Variants in POU2F2 observed in about 807,000 individuals in gnomAD.
POU2F2 encodes POU class 2 homeobox 2.
Under a neutral mutation model 63.5 loss-of-function variants are expected in POU2F2, and 14 were observed. The observed-to-expected ratio is 0.22, with a 90% CI of 0.15 to 0.34. The LOEUF (loss-of-function observed/expected upper bound fraction) is 0.34, where lower values mean the gene tolerates loss of function less well. POU2F2 is among the 10% of genes least tolerant of loss of function. The pLI is 1.00. For synonymous variants in POU2F2, 306 were observed against 348.6 expected, an observed-to-expected ratio of 0.88 and a Z score of 1.36; for missense variants, 607 against 815.2, an observed-to-expected ratio of 0.74 and a Z score of 3.11.
upstream of POU2F2, among the ~76,000 whole-genome samples, chr19:42,179,575 G>T (rs975506129): frequency 3.3e-5 from 5 of 152,088 alleles, no homozygotes; most frequent in African/African-American, 1.2e-4. Flanking sequence ...GGCACGCGCT[G>T]CGCGGTCTTG....
intron 1 of POU2F2, among the ~76,000 whole-genome samples, chr19:42,173,752 GA>G (rs1259477740): frequency 1.3e-5 from 2 of 151,956 alleles, no homozygotes; most frequent in African/African-American, 4.8e-5. Context: ...GCGCAACCAA[GA>G]CCCCCAAAGA....
At chr19:42,119,696 G>A (rs1354188864) in intron 4 of POU2F2, among the ~76,000 whole-genome samples, 2 of 152,102 alleles carry the variant, frequency 1.3e-5, no homozygotes, top group East Asian at 1.9e-4. Context: ...CCCAGGAGGT[G>A]GAGGTTGCAA....
chr19:42,189,448 C>T (rs1227298532), intron 1 of POU2F2, among the ~76,000 whole-genome samples: 2 of 152,198 alleles, frequency 1.3e-5, no homozygotes, highest in African/African-American at 2.4e-5. Flanking sequence ...AGCTGCCATT[C>T]CTTCCTGCTA....
At chr19:42,186,796 G>A (rs2035017344) in intron 1 of POU2F2, among the ~76,000 whole-genome samples, 1 of 152,116 alleles carries the variant, frequency 6.6e-6, no homozygotes, top group Non-Finnish European at 1.5e-5. Context: ...GTCAGGGAGA[G>A]GGTGGTGCCA....
rs916198417 is a variant in POU2F2 at position 42,086,969 on chromosome 19, T to C, written c.*4288A>G. The C allele has an allele frequency of 5.3e-5, 8 of 152,218 alleles. No homozygotes were observed. The highest frequency in any genetic ancestry group is 1.9e-4 in the African/African-American group (8 of 41,466). 9.4% of individuals were successfully genotyped at this position (152,218 alleles called of 1,614,324 possible). On this transcript the variant is annotated 3_prime_UTR_variant, in exon 15 of 15. Coordinates refer to ENST00000692977, the MANE Select transcript of POU2F2 (RefSeq NM_001394376.1). ...TTAAAAATATACATTATTTTTTCTT[T>C]GTTTCCGCCTTTGTCATCGTCGTCT...
upstream of POU2F2, among the ~76,000 whole-genome samples, chr19:42,196,956 G>C (rs922557331): frequency 6.6e-6 from 1 of 152,240 alleles, no homozygotes; most frequent in Non-Finnish European, 1.5e-5. Flanking sequence ...GACATGGAAC[G>C]GAAGCAGGGG....
At chr19:42,129,474 TCTC>T (rs2033504492) in intron 1 of POU2F2, among the ~76,000 whole-genome samples, 1 of 151,870 alleles carries the variant, frequency 6.6e-6, no homozygotes, top group Non-Finnish European at 1.5e-5. Context: ...GACTTTCACT[TCTC>T]CTCTGCATTT....
rs772034632 is a variant in POU2F2, at chr19:42,099,479, C to A, written c.567+48G>T. 3 of 1,507,510 alleles carry A rather than the reference C, an allele frequency of 2.0e-6. No homozygotes were observed. The Admixed American group carries it at 5.0e-5, about 25-fold the overall frequency. 93.4% of individuals were successfully genotyped at this position (1,507,510 alleles called of 1,614,324 possible). A position where few individuals can be genotyped will look rare whatever the true frequency, so the allele number is the denominator to read the frequency against. ...CCACCCCCGTTTACCCAGCTTTCAG[C>A]AGGCCTTGCTGCTGGCCTGGCCTGG... On this transcript the variant is annotated intron_variant, in intron 7 of 14. Transcript: ENST00000692977.
chr19:42,108,731 G>A (rs577999647), intron 5 of POU2F2, among the ~76,000 whole-genome samples: 3 of 152,332 alleles, frequency 2.0e-5, no homozygotes, highest in South Asian at 2.1e-4. Flanking sequence ...ACTTGAGGGC[G>A]TGTTACGTCC....
chr19:42,139,626 A>C (rs2034088274), intron 2 of POU2F2, among the ~76,000 whole-genome samples: 1 of 152,084 alleles, frequency 6.6e-6, no homozygotes. Flanking sequence ...TTTTAGTAGA[A>C]ATAGGGTTTC....
intron 5 of POU2F2, chr19:42,110,826 C>T (rs2030971426): frequency 2.3e-6 from 1 of 442,938 alleles, no homozygotes; most frequent in Non-Finnish European, 4.6e-6. Flanking sequence ...TTAATTGGTC[C>T]TTCATAAATG....
At chr19:42,115,371 C>T (rs1454051776) in intron 5 of POU2F2, among the ~76,000 whole-genome samples, 1 of 152,162 alleles carries the variant, frequency 6.6e-6, no homozygotes, top group African/African-American at 2.4e-5. Context: ...TGGACAGCTC[C>T]CTGCATGGAC....
At chr19:42,174,094 GC>G (rs914015992) in intron 1 of POU2F2, among the ~76,000 whole-genome samples, 25 of 152,248 alleles carry the variant, frequency 1.6e-4, no homozygotes, top group Non-Finnish European at 3.5e-4. Flanking sequence ...TGCTGTGCAA[GC>G]ATGCCGTCAA....
In POU2F2 at chr19:42,187,705, T is replaced by C. The variant is rs1463641794; in HGVS notation, c.-70+8678A>G. 5.7e-5 allele frequency among the ~76,000 whole-genome samples: 8 copies of C among 140,828 alleles called. 1 individual carries two copies. The allele number at this position is 140,828 out of a possible 152,430, so 92.4% of individuals were successfully genotyped here. On this transcript the variant is annotated intron_variant, in intron 1 of 5. Coordinates refer to the POU2F2 transcript ENST00000532176. ...TTGAACCCAGAGGTGGAGGTTGCAG[T>C]GAGCCGAGATCATGCCACTGCATTC... is the stretch of plus-strand genomic sequence containing the variant.
chr19:42,197,101 TA>T (rs1394285904), upstream of POU2F2, among the ~76,000 whole-genome samples: 2 of 152,084 alleles, frequency 1.3e-5, no homozygotes, highest in African/African-American at 4.8e-5. Context: ...CAAACACAGG[TA>T]ACCCCACCTA....
In POU2F2 at chr19:42,116,161, G is replaced by C. The variant is rs956630703; in HGVS notation, c.369+1089C>G. The stretch of plus-strand genomic sequence containing the variant: ...ATGGTATTATGTTACGGCAGCCCTA[G>C]GAAACTGAGACAGCCACTAATTCAT... On this transcript the variant is annotated intron_variant, in intron 5 of 14. Transcript: ENST00000692977. Among the ~76,000 whole-genome samples the C allele has an allele frequency of 1.2e-4, 18 of 152,304 alleles. No individual in the cohort carries two copies. The East Asian group carries it at 3.5e-3, about 29-fold the overall frequency.
Position 42,169,791 on chromosome 19 carries a change from G to A in POU2F2, c.-70+6172C>T, listed in dbSNP as rs764719571. Reference sequence around the variant, plus strand: ...GTGTGTCGGGGTGATATAAACACATGTGCGTGTGTACCTGTGTGTCTTTCT... The same window carrying A: ...GTGTGTCGGGGTGATATAAACACATATGCGTGTGTACCTGTGTGTCTTTCT... On this transcript the variant is annotated intron_variant, in intron 1 of 6. Coordinates refer to the POU2F2 transcript ENST00000524801. This position sits in a 1 kb window ranked among gnomAD's most constrained non-coding sequence, Gnocchi z 4.3. 1.6e-4 allele frequency among the ~76,000 whole-genome samples: 24 copies of A among 152,076 alleles called. No individual in the cohort carries two copies. Among genetic ancestry groups the A allele is most frequent in the Non-Finnish European group, 3.1e-4 (21 of 68,010 alleles).
rs1185699808 is a variant in POU2F2, at chr19:42,090,501, AG to A, written c.*755del. On this transcript the variant is annotated 3_prime_UTR_variant, in exon 15 of 15. Coordinates refer to ENST00000692977, the MANE Select transcript of POU2F2 (RefSeq NM_001394376.1). This position sits in a 1 kb window ranked among gnomAD's most constrained non-coding sequence, Gnocchi z 4.4. The stretch of plus-strand genomic sequence containing the variant: ...TGGGGGGAGGGAGGAGGTTAAAGCA[AG>A]ACCCCCTGCCCAGGTGGGGAGAGCT... The A allele has an allele frequency of 4.6e-5, 7 of 152,690 alleles. No homozygotes were observed. Among genetic ancestry groups the A allele is most frequent in the Non-Finnish European group, 7.3e-5 (5 of 68,064 alleles). 9.5% of individuals were successfully genotyped at this position (152,690 alleles called of 1,614,324 possible).
upstream of POU2F2, among the ~76,000 whole-genome samples, chr19:42,133,900 T>G (rs1326265119): frequency 6.6e-6 from 1 of 152,110 alleles, no homozygotes; most frequent in Non-Finnish European, 1.5e-5. This position sits in a 1 kb window ranked among gnomAD's most constrained non-coding sequence, Gnocchi z 5.1. Flanking sequence ...ACGTGCCCTG[T>G]GCACCCAGAC....
Sources: allele counts gnomAD v4.1 joint callset (sites outside exome capture counted in the v4.1 genomes callset), GRCh38; gene constraint gnomAD v4.1.1; non-coding constraint Gnocchi (gnomAD v3.1); transcripts MANE v1.5; gene names NCBI Gene and HGNC (gene_info 2026-07-23, HGNC 2026-07-21).